SLC41A2: variants seen among roughly 807,000 people sequenced by gnomAD.
SLC41A2 encodes SLC41A1-like 1.
A neutral mutation model predicts 58.3 loss-of-function variants in SLC41A2; 32 were observed. The ratio of observed to expected loss-of-function variants is 0.55; its 90% confidence interval spans 0.41 to 0.74. The LOEUF is 0.74. SLC41A2 is among the 30% of genes least tolerant of loss of function. The pLI, the probability that SLC41A2 is intolerant of heterozygous loss-of-function variation, is 0.00. For missense variants in SLC41A2, 514 were observed against 680.6 expected (o/e 0.76, Z 2.72); for synonymous variants, 190 against 235.0 (o/e 0.81, Z 1.75).
intron 10 of SLC41A2, among the ~76,000 whole-genome samples, chr12:104,807,869 C>G (rs1429906072): frequency 1.3e-5 from 2 of 152,046 alleles, no homozygotes; most frequent in Admixed American, 6.5e-5. Context: ...CTCTGTTTGT[C>G]TGTTATTGGT....
At chr12:104,858,592 T>C (rs1177225595) in intron 8 of SLC41A2, among the ~76,000 whole-genome samples, 1 of 152,196 alleles carries the variant, frequency 6.6e-6, no homozygotes, top group Non-Finnish European at 1.5e-5. Context: ...TCCATCTTAT[T>C]TGAGGAGCAT....
intron 2 of SLC41A2, among the ~76,000 whole-genome samples, chr12:104,920,699 C>T (rs996913930): frequency 3.9e-5 from 6 of 151,924 alleles, no homozygotes; most frequent in Admixed American, 6.6e-5. Context: ...CCGAGGCAGG[C>T]GGATCACAAG....
At chr12:104,883,287 G>T (rs1469195983) in intron 6 of SLC41A2, among the ~76,000 whole-genome samples, 1 of 152,140 alleles carries the variant, frequency 6.6e-6, no homozygotes, top group African/African-American at 2.4e-5. Flanking sequence ...CTTTGGAGAA[G>T]TCTGTTATTA....
chr12:104,886,042 T>C (rs965788725), intron 6 of SLC41A2, among the ~76,000 whole-genome samples: 7 of 152,088 alleles, frequency 4.6e-5, no homozygotes, highest in African/African-American at 1.2e-4. Context: ...ATAACTTCTA[T>C]GATCCTTGCT....
chr12:104,888,323 C>T (rs2044773819), intron 5 of SLC41A2, among the ~76,000 whole-genome samples: 1 of 151,964 alleles, frequency 6.6e-6, no homozygotes, highest in Non-Finnish European at 1.5e-5. Context: ...ATTGTATGAT[C>T]ACCTAACATG....
intron 1 of SLC41A2, among the ~76,000 whole-genome samples, chr12:104,935,704 C>T (rs1267065906): frequency 2.0e-5 from 3 of 152,120 alleles, no homozygotes; most frequent in Non-Finnish European, 4.4e-5. Context: ...GGATGGACCA[C>T]ATATATGATG....
At chr12:104,926,200 T>C (rs2046830232) in intron 2 of SLC41A2, among the ~76,000 whole-genome samples, 1 of 152,196 alleles carries the variant, frequency 6.6e-6, no homozygotes, top group Admixed American at 6.5e-5. Flanking sequence ...AACCTTTCTA[T>C]GACTGATAAA....
chr12:104,886,483 G>A (rs1407979387), intron 5 of SLC41A2, 44 bp from the exon 6 acceptor site: 1 of 1,589,550 alleles, frequency 6.3e-7, no homozygotes, highest in East Asian at 2.2e-5. Context: ...ATGATTTAAA[G>A]AAAATCAATC....
intron 10 of SLC41A2, among the ~76,000 whole-genome samples, chr12:104,837,498 T>A (rs1036417393): frequency 1.3e-5 from 2 of 152,162 alleles, no homozygotes; most frequent in African/African-American, 4.8e-5. Context: ...TTTTGGGATG[T>A]GTTGAGTGTG....
intron 2 of SLC41A2, among the ~76,000 whole-genome samples, chr12:104,919,564 T>A (rs1485787850): frequency 6.6e-6 from 1 of 152,246 alleles, no homozygotes; most frequent in East Asian, 1.9e-4. Flanking sequence ...TGATAGTTCA[T>A]TGTGGTTTTC....
chr12:104,914,091 C>T (rs187672926), intron 2 of SLC41A2, among the ~76,000 whole-genome samples: 1 of 152,142 alleles, frequency 6.6e-6, no homozygotes, highest in East Asian at 1.9e-4. Context: ...GTTAACACAA[C>T]CTGATGTGCT....
chr12:104,899,571 T>C (rs1349601379), intron 3 of SLC41A2, among the ~76,000 whole-genome samples: 2 of 152,182 alleles, frequency 1.3e-5, no homozygotes, highest in Non-Finnish European at 2.9e-5. Context: ...GTATAGCCCT[T>C]TGAAGGTCTC....
rs1555202443 is a variant in SLC41A2, at chr12:104,853,911, A to ATT, written c.1255+7378_1255+7379dup. Among the ~76,000 whole-genome samples the ATT allele has an allele frequency of 4.5e-4, 27 of 59,496 alleles. 1 individual carries two copies. The highest frequency in any genetic ancestry group is 1.3e-3 in the African/African-American group (19 of 14,476). 39.0% of individuals were successfully genotyped at this position (59,496 alleles called of 152,430 possible). A position where few individuals can be genotyped will look rare whatever the true frequency, so the allele number is the denominator to read the frequency against. On this transcript the variant is annotated intron_variant, in intron 8 of 10. Coordinates refer to ENST00000258538, the MANE Select transcript of SLC41A2 (RefSeq NM_001352171.3). ...GGGTGCATGTCACCATGCCTGGCTG[A>ATT]TTTTTTTTTTTTTTTTTTTTTTTTT...
rs566987999 is a variant in SLC41A2 at position 104,916,632 on chromosome 12, A to G, written c.556-6870T>C. 3.5e-3 allele frequency among the ~76,000 whole-genome samples: 537 copies of G among 152,192 alleles called. 3 individuals are homozygous for G. The highest frequency in any genetic ancestry group is 0.012 in the African/African-American group (512 of 41,532). ...TACTGGTACCAAAACAGAGATATAG[A>G]TCAATGGAACAGAACAGAGCCCTCA... is the stretch of plus-strand genomic sequence containing the variant. On this transcript the variant is annotated intron_variant, in intron 2 of 10. Transcript: ENST00000258538.
chr12:104,869,516 TA>T (rs1039929824), intron 6 of SLC41A2, among the ~76,000 whole-genome samples: 2 of 152,182 alleles, frequency 1.3e-5, no homozygotes, highest in Admixed American at 6.5e-5. Context: ...AACTATTCTA[TA>T]AACATATAAT....
rs1258099039 is a variant in SLC41A2 at position 104,928,261 on chromosome 12, GA to G, written c.266del (p.Phe89SerfsTer57). On this transcript the variant is annotated frameshift_variant, in exon 2 of 11. Transcript: ENST00000258538. LOFTEE classifies it high-confidence loss of function. The stretch of plus-strand genomic sequence containing the variant: ...TATTGGCATGAAAAGACTGCTCTGA[GA>G]AACTGTGATACTCCATGTGTTGCTC... Reference protein sequence around the residue: ...RSEQHMEYHSFSEQSFHANNG... With the variant: ...RSEQHMEYHSXSEQSFHANNG... 1.9e-6 allele frequency: 3 copies of G among 1,613,902 alleles called. No individual in the cohort carries two copies. Among genetic ancestry groups the G allele is most frequent in the Non-Finnish European group, 2.5e-6 (3 of 1,179,920 alleles).
chr12:104,851,075 CTCA>C (rs2042780811), intron 8 of SLC41A2, among the ~76,000 whole-genome samples: 1 of 152,122 alleles, frequency 6.6e-6, no homozygotes, highest in African/African-American at 2.4e-5. Context: ...TAATACCTAT[CTCA>C]TAAGGATGCT....
intron 1 of SLC41A2, among the ~76,000 whole-genome samples, chr12:104,937,404 C>A (rs192149718): frequency 4.6e-5 from 7 of 152,292 alleles, no homozygotes; most frequent in Middle Eastern, 3.4e-3. Flanking sequence ...TTTAGATACA[C>A]AAATACTTAC....
rs778983620 is a variant in SLC41A2 at position 104,928,228 on chromosome 12, G to T, written c.300C>A (p.His100Gln). 5.6e-6 allele frequency: 9 copies of T among 1,613,974 alleles called. No individual in the cohort carries two copies. Among genetic ancestry groups the T allele is most frequent in the Non-Finnish European group, 7.6e-6 (9 of 1,179,996 alleles). Residue 100 changes from histidine to glutamine, a missense_variant, in exon 2 of 11, where the codon CAC (histidine) becomes CAA (glutamine). His to Gln is a conservative substitution (Grantham distance 24). This residue lies in a region of SLC41A2 where 336 missense variants were observed against 430.0 expected (regional missense o/e 0.78). Transcript: ENST00000258538. ...SEQSFHANNG[H>Q]ASSSCSQKYD... ...ACTTTTGGCTGCAGCTTGATGATGC[G>T]TGCCCATTATTGGCATGAAAAGACT...
Sources: allele counts gnomAD v4.1 joint callset (sites outside exome capture counted in the v4.1 genomes callset), GRCh38; gene constraint gnomAD v4.1.1; regional missense constraint gnomAD v4.1.1; transcripts MANE v1.5; gene names NCBI Gene and HGNC (gene_info 2026-07-23, HGNC 2026-07-21).